Variants in DSCAML1 observed in about 807,000 individuals in gnomAD.
DSCAML1 encodes the protein cell adhesion molecule DSCAML1.
A neutral mutation model predicts 200.5 loss-of-function variants in DSCAML1; 38 were observed. That is an observed-to-expected ratio of 0.19 (90% CI 0.15 to 0.25). The LOEUF (loss-of-function observed/expected upper bound fraction) is 0.25, where lower values mean the gene tolerates loss of function less well. Ranked by LOEUF, DSCAML1 falls within the 10% of genes least tolerant of loss-of-function variation. DSCAML1 has a pLI of 1.00. For synonymous variants in DSCAML1, 1,215 were observed against 1,165.0 expected, an observed-to-expected ratio of 1.04 and a Z score of -0.87; for missense variants, 2,223 against 2,858.8, an observed-to-expected ratio of 0.78 and a Z score of 5.07.
intron 3 of DSCAML1, among the ~76,000 whole-genome samples, chr11:117,746,376 A>G (rs1180067177): frequency 6.6e-6 from 1 of 152,122 alleles, no homozygotes; most frequent in Admixed American, 6.5e-5. Flanking sequence ...CTGAGACCTG[A>G]TGGTAGAGCT....
In DSCAML1 at chr11:117,503,011, G is replaced by A. The variant is rs1303020050; in HGVS notation, c.2359+834C>T. On this transcript the variant is annotated intron_variant, in intron 11 of 32. Coordinates refer to ENST00000651296, the MANE Select transcript of DSCAML1 (RefSeq NM_020693.4). This position sits in a 1 kb window ranked among gnomAD's most constrained non-coding sequence, Gnocchi z 5.2. ...TGTCTTGACATGGGGCCAGATGGACGTGGCCCTTCTGATGTGATTCCCAGG... is the reference window on the plus strand; with the variant it reads ...TGTCTTGACATGGGGCCAGATGGACATGGCCCTTCTGATGTGATTCCCAGG... Among the ~76,000 whole-genome samples the A allele has an allele frequency of 6.6e-6, 1 of 152,168 alleles. No homozygotes were observed. The highest frequency in any genetic ancestry group is 2.4e-5 in the African/African-American group (1 of 41,438).
chr11:117,743,414 T>C (rs1437926543), intron 3 of DSCAML1, among the ~76,000 whole-genome samples: 1 of 152,202 alleles, frequency 6.6e-6, no homozygotes, highest in Admixed American at 6.5e-5. Context: ...CCAGGCTTCC[T>C]GACATCCCTC....
intron 2 of DSCAML1, among the ~76,000 whole-genome samples, chr11:117,777,835 G>C (rs759062770): frequency 6.6e-6 from 1 of 152,202 alleles, no homozygotes; most frequent in Non-Finnish European, 1.5e-5. Flanking sequence ...TGGGACCAAG[G>C]CTTCTGCCTC....
Position 117,465,302 on chromosome 11 carries a change from C to A in DSCAML1, c.3025-120G>T. On this transcript the variant is annotated intron_variant, in intron 16 of 32. Transcript: ENST00000651296. ...CAGCCCTTCAAAGGCTCCCATCTCA[C>A]TCAGAATGAAAGCCAAAGTCCTTAC... 3.6e-6 allele frequency: 5 copies of A among 1,400,304 alleles called. 1 individual carries two copies. The East Asian group carries it at 9.5e-5, about 27-fold the overall frequency. 86.7% of individuals were successfully genotyped at this position (1,400,304 alleles called of 1,614,324 possible).
chr11:117,544,843 C>T (rs1048252198), intron 3 of DSCAML1, among the ~76,000 whole-genome samples: 1 of 152,152 alleles, frequency 6.6e-6, no homozygotes, highest in African/African-American at 2.4e-5. Flanking sequence ...GCCTTAACTC[C>T]CAATGCAACT....
rs554170689 is a variant in DSCAML1 at position 117,813,613 on chromosome 11, A to T, written c.-250+3777T>A. Among the ~76,000 whole-genome samples the T allele has an allele frequency of 5.9e-5, 9 of 152,086 alleles. No individual in the cohort carries two copies. In the South Asian group the frequency reaches 1.0e-3, roughly 18 times the overall value. ...CCTGTTTTTCTCCTTCTCTTATTCCATTTAGTTTTTCAATTCATACAAAAC... is the reference window on the plus strand; with the variant it reads ...CCTGTTTTTCTCCTTCTCTTATTCCTTTTAGTTTTTCAATTCATACAAAAC... On this transcript the variant is annotated intron_variant, in intron 1 of 2. Transcript: ENST00000525836.
chr11:117,662,474 AG>A (rs1344322146), intron 3 of DSCAML1, among the ~76,000 whole-genome samples: 1 of 152,240 alleles, frequency 6.6e-6, no homozygotes, highest in Non-Finnish European at 1.5e-5. Flanking sequence ...TGTCTCACAG[AG>A]TCGTGAGTTC....
At chr11:117,659,486 A>G (rs1331973595) in intron 3 of DSCAML1, among the ~76,000 whole-genome samples, 1 of 152,214 alleles carries the variant, frequency 6.6e-6, no homozygotes, top group Non-Finnish European at 1.5e-5. Context: ...AAGTGAGACT[A>G]TCTTTCAAAA....
intron 3 of DSCAML1, among the ~76,000 whole-genome samples, chr11:117,621,709 C>G (rs1045396822): frequency 2.0e-5 from 3 of 152,212 alleles, no homozygotes; most frequent in African/African-American, 7.2e-5. Context: ...ATTGGCTGTG[C>G]TGTTTTATGC....
chr11:117,538,963 T>C (rs926704990), intron 3 of DSCAML1, among the ~76,000 whole-genome samples: 2 of 152,050 alleles, frequency 1.3e-5, no homozygotes, highest in East Asian at 3.9e-4. Flanking sequence ...CTCCTCCTTC[T>C]GTCCCCAGCA....
intron 3 of DSCAML1, among the ~76,000 whole-genome samples, chr11:117,766,059 C>A (rs2054891924): frequency 6.6e-6 from 1 of 152,238 alleles, no homozygotes; most frequent in Non-Finnish European, 1.5e-5. Context: ...CCCAGCTAAA[C>A]CTTCCTCTAG....
intron 3 of DSCAML1, among the ~76,000 whole-genome samples, chr11:117,650,947 A>T (rs1033810977): frequency 2.6e-5 from 4 of 152,162 alleles, no homozygotes; most frequent in Non-Finnish European, 5.9e-5. Context: ...AGGTAGTAAG[A>T]GTTTCCAGGG....
At chr11:117,793,432 T>C (rs2055513204) in intron 1 of DSCAML1, among the ~76,000 whole-genome samples, 1 of 152,120 alleles carries the variant, frequency 6.6e-6, no homozygotes, top group Admixed American at 6.5e-5. Flanking sequence ...CCTCTCTTCA[T>C]CTACAATTAA....
chr11:117,792,135 C>T (rs1431955688), intron 1 of DSCAML1, among the ~76,000 whole-genome samples: 1 of 152,162 alleles, frequency 6.6e-6, no homozygotes, highest in African/African-American at 2.4e-5. Flanking sequence ...CTGGCCCTCC[C>T]CCTCTCTACC....
intron 3 of DSCAML1, among the ~76,000 whole-genome samples, chr11:117,725,543 A>G (rs911211788): frequency 6.6e-6 from 1 of 151,928 alleles, no homozygotes; most frequent in Non-Finnish European, 1.5e-5. Flanking sequence ...TATCTTTCCC[A>G]TTTCCGCTCC....
intron 3 of DSCAML1, among the ~76,000 whole-genome samples, chr11:117,618,921 C>A (rs2051867257): frequency 6.6e-6 from 1 of 152,130 alleles, no homozygotes; most frequent in Non-Finnish European, 1.5e-5. Context: ...GAGACAGGGA[C>A]CTTCCAGATA....
At position 117,713,168 on chromosome 11, in the gene DSCAML1, C is replaced by T. The variant is rs181023111; in HGVS notation, c.511+63623G>A. ...CTAGAATGTAACGGCATGACCTCGG[C>T]TCACTGCGACCTCCACCTTCTGGGT... is the stretch of plus-strand genomic sequence containing the variant. On this transcript the variant is annotated intron_variant, in intron 3 of 32. Transcript: ENST00000651296. 2.0e-5 allele frequency among the ~76,000 whole-genome samples: 3 copies of T among 152,280 alleles called. No homozygotes were observed. The East Asian group carries it at 5.8e-4, about 29-fold the overall frequency.
intron 3 of DSCAML1, among the ~76,000 whole-genome samples, chr11:117,666,694 C>G (rs1363512395): frequency 6.6e-6 from 1 of 152,166 alleles, no homozygotes; most frequent in Non-Finnish European, 1.5e-5. Context: ...GGGCTGGCCC[C>G]GGCAGGAGTG....
chr11:117,618,486 C>A (rs1289495073), intron 3 of DSCAML1, among the ~76,000 whole-genome samples: 4 of 152,128 alleles, frequency 2.6e-5, no homozygotes, highest in Admixed American at 2.0e-4. Context: ...CCCCAGCCAC[C>A]CTGAGTCTTC....
Sources: gnomAD v4.1 joint callset for allele counts (sites outside exome capture counted in the v4.1 genomes callset) on GRCh38, gnomAD v4.1.1 for gene constraint, Gnocchi (gnomAD v3.1) non-coding constraint, MANE v1.5 for transcripts, NCBI Gene and HGNC (gene_info 2026-07-23, HGNC 2026-07-21) for gene names.